Variants in CDK6 observed in about 807,000 individuals in gnomAD.
CDK6 encodes cyclin dependent kinase 6, also known as cyclin-dependent kinase 6.
A neutral mutation model predicts 37.1 loss-of-function variants in CDK6; 6 were observed. That is an observed-to-expected ratio of 0.16 (90% CI 0.09 to 0.32). The LOEUF (loss-of-function observed/expected upper bound fraction) is 0.32, where lower values mean the gene tolerates loss of function less well. CDK6 is among the 10% of genes least tolerant of loss of function. CDK6 has a pLI of 1.00. For synonymous variants in CDK6, 160 were observed against 161.3 expected, an observed-to-expected ratio of 0.99 and a Z score of 0.06; for missense variants, 224 against 418.9, an observed-to-expected ratio of 0.53 and a Z score of 4.06.
chr7:92,655,543 C>T (rs1011399396), intron 5 of CDK6, among the ~76,000 whole-genome samples: 1 of 152,218 alleles, frequency 6.6e-6, no homozygotes, highest in Non-Finnish European at 1.5e-5. Flanking sequence ...CAAATTACTT[C>T]TGAATATTGA....
intron 6 of CDK6, among the ~76,000 whole-genome samples, chr7:92,619,832 C>A (rs918217574): frequency 1.3e-5 from 2 of 151,692 alleles, no homozygotes; most frequent in African/African-American, 4.8e-5. Flanking sequence ...ATAGAAATGA[C>A]AATGAGCAAT....
At chr7:92,768,973 G>A (rs895202727) in intron 3 of CDK6, among the ~76,000 whole-genome samples, 1 of 152,028 alleles carries the variant, frequency 6.6e-6, no homozygotes, top group African/African-American at 2.4e-5. Context: ...TGCAGTACAG[G>A]GACCAGTCAG....
chr7:92,653,037 G>A (rs1796611677), intron 5 of CDK6, among the ~76,000 whole-genome samples: 1 of 152,164 alleles, frequency 6.6e-6, no homozygotes, highest in Non-Finnish European at 1.5e-5. Flanking sequence ...CTCTGGCTTT[G>A]GTTCAACAAG....
intron 4 of CDK6, among the ~76,000 whole-genome samples, chr7:92,692,942 T>C (rs1797629798): frequency 6.6e-6 from 1 of 152,232 alleles, no homozygotes; most frequent in Non-Finnish European, 1.5e-5. Context: ...AAAAATTTTC[T>C]GAATGAAAAC....
At chr7:92,789,042 T>C (rs969205736) in intron 2 of CDK6, among the ~76,000 whole-genome samples, 11 of 152,034 alleles carry the variant, frequency 7.2e-5, no homozygotes, top group Non-Finnish European at 1.5e-5. Context: ...AGAAAGATCA[T>C]TTGAGCCCAG....
chr7:92,721,918 A>G (rs2116701978), intron 4 of CDK6, among the ~76,000 whole-genome samples: 1 of 152,360 alleles, frequency 6.6e-6, no homozygotes, highest in South Asian at 2.1e-4. Context: ...TTACCTGTCT[A>G]GAACAACTAA....
chr7:92,802,862 C>A (rs769509473), intron 2 of CDK6, among the ~76,000 whole-genome samples: 1 of 152,146 alleles, frequency 6.6e-6, no homozygotes. Context: ...GCTTCCCTCA[C>A]CTCTACTCAC....
intron 3 of CDK6, among the ~76,000 whole-genome samples, chr7:92,748,363 A>G (rs1423726276): frequency 6.6e-6 from 1 of 152,230 alleles, no homozygotes; most frequent in Non-Finnish European, 1.5e-5. Context: ...GGCTCCATGC[A>G]AAATCTAGCT....
chr7:92,672,040 C>T (rs979801587), intron 4 of CDK6, among the ~76,000 whole-genome samples: 2 of 149,976 alleles, frequency 1.3e-5, no homozygotes, highest in Admixed American at 6.7e-5. Flanking sequence ...GTAAAATGTA[C>T]ACTACCTGGG....
Position 92,631,910 on chromosome 7 carries a change from G to A in CDK6, c.648-8824C>T, listed in dbSNP as rs570949943. ...TCTCTCATGATAGGCTGACTTCAAA[G>A]CAACATTGATACAAGGAATAAAAAT... On this transcript the variant is annotated intron_variant, in intron 5 of 7. Coordinates refer to ENST00000424848, the MANE Select transcript of CDK6 (RefSeq NM_001145306.2). Among the ~76,000 whole-genome samples, 111 of 152,256 alleles carry A rather than the reference G, an allele frequency of 7.3e-4. 1 individual carries two copies. The highest frequency in any genetic ancestry group is 2.0e-3 in the Admixed American group (30 of 15,270).
intron 4 of CDK6, among the ~76,000 whole-genome samples, chr7:92,709,133 C>T (rs1298756004): frequency 6.6e-6 from 1 of 152,170 alleles, no homozygotes; most frequent in Non-Finnish European, 1.5e-5. Flanking sequence ...CCTCGTCACA[C>T]ATCTTTCTTA....
intron 5 of CDK6, among the ~76,000 whole-genome samples, chr7:92,659,754 A>AT (rs1474252415): frequency 6.6e-6 from 1 of 152,204 alleles, no homozygotes; most frequent in Non-Finnish European, 1.5e-5. Flanking sequence ...TTATACTTCC[A>AT]TATTAACATT....
chr7:92,831,555 A>G (rs957290419), intron 2 of CDK6, among the ~76,000 whole-genome samples: 1 of 152,184 alleles, frequency 6.6e-6, no homozygotes. Flanking sequence ...CAATATCACA[A>G]AGAGCCCCAA....
chr7:92,788,150 TA>T (rs1800191927), intron 2 of CDK6, among the ~76,000 whole-genome samples: 2 of 152,178 alleles, frequency 1.3e-5, no homozygotes, highest in African/African-American at 4.8e-5. Flanking sequence ...CAAACACTTA[TA>T]AAAATTAAAT....
Position 92,623,080 on chromosome 7 carries a change from A to G in CDK6, c.654T>C (p.Leu218=). Residue 218 remains leucine, a synonymous_variant, in exon 6 of 8, where the codon CTT becomes CTC. Transcript: ENST00000424848. ...IFAEMFRRKP[L]FRGSSDVDQL... is the part of the protein sequence containing the mutation. ...GATCAACATCTGAACTTCCACGAAA[A>G]AGAGGCCTAAAAGAATAAAGATACA... is the stretch of plus-strand genomic sequence containing the variant. 6.4e-7 allele frequency: 1 copy of G among 1,574,210 alleles called. No individual in the cohort carries two copies. The highest frequency in any genetic ancestry group is 8.7e-7 in the Non-Finnish European group (1 of 1,147,410).
intron 2 of CDK6, among the ~76,000 whole-genome samples, chr7:92,809,818 T>G (rs1014011015): frequency 3.3e-5 from 5 of 152,234 alleles, no homozygotes; most frequent in Non-Finnish European, 7.3e-5. Flanking sequence ...ACTCTCAGTT[T>G]GAACCAAGGT....
intron 7 of CDK6, among the ~76,000 whole-genome samples, chr7:92,617,118 T>C (rs539033810): frequency 6.4e-4 from 97 of 152,318 alleles, no homozygotes; most frequent in African/African-American, 2.1e-3. Context: ...ACATATTCCC[T>C]CTTTTCTCTC....
At chr7:92,657,894 T>G (rs1346513291) in intron 5 of CDK6, among the ~76,000 whole-genome samples, 1 of 152,080 alleles carries the variant, frequency 6.6e-6, no homozygotes, top group Admixed American at 6.5e-5. Flanking sequence ...TTTTTAAATT[T>G]TATTTTTCGT....
intron 5 of CDK6, among the ~76,000 whole-genome samples, chr7:92,654,855 A>G (rs1796655155): frequency 6.6e-6 from 1 of 152,014 alleles, no homozygotes; most frequent in South Asian, 2.1e-4. Context: ...ATATATATGT[A>G]TATTTTTCTG....
Sources: gnomAD v4.1 joint callset for allele counts (sites outside exome capture counted in the v4.1 genomes callset) on GRCh38, gnomAD v4.1.1 for gene constraint, MANE v1.5 for transcripts, NCBI Gene and HGNC (gene_info 2026-07-23, HGNC 2026-07-21) for gene names.